PCDH9: variants seen among roughly 807,000 people sequenced by gnomAD.
The protein encoded by PCDH9 is protocadherin 9.
PCDH9 carries 24 observed loss-of-function variants against 70.6 expected under a neutral mutation model. The observed-to-expected ratio is 0.34, with a 90% CI of 0.25 to 0.48. The LOEUF is 0.48. PCDH9 is among the 20% of genes least tolerant of loss of function. The probability of loss-of-function intolerance (pLI) is 0.99; values close to 1 mark genes in which losing one functional copy is unlikely to be tolerated. For synonymous variants in PCDH9, 562 were observed against 558.5 expected (o/e 1.01, Z -0.09); for missense variants, 1,281 against 1,503.6 (o/e 0.85, Z 2.45).
In PCDH9 at chr13:67,227,328, C is replaced by T; in HGVS notation, c.1113G>A (p.Val371=). Residue 371 remains valine (V), a synonymous_variant, in exon 2 of 5, where the codon GTG becomes GTA. Transcript: ENST00000377865. This position sits in a 1 kb window ranked among gnomAD's most constrained non-coding sequence, Gnocchi z 4.6. Reference sequence around the variant, plus strand: ...TGACAGGATCTTTCTCAGATAAATACACGGTGCCATTGATGGGACTTATAA... The same window carrying T: ...TGACAGGATCTTTCTCAGATAAATATACGGTGCCATTGATGGGACTTATAA... ...RYIISPINGT[V]YLSEKDPVNT... 1.2e-6 allele frequency: 2 copies of T among 1,613,896 alleles called. No individual in the cohort carries two copies. Among genetic ancestry groups the T allele is most frequent in the African/African-American group, 1.3e-5 (1 of 75,020 alleles).
intron 3 of PCDH9, among the ~76,000 whole-genome samples, chr13:66,856,282 CTGCA>C (rs2081393191): frequency 6.6e-6 from 1 of 151,936 alleles, no homozygotes; most frequent in Non-Finnish European, 1.5e-5. Flanking sequence ...GTAAAACACA[CTGCA>C]CATCAAGGGG....
chr13:66,624,449 GA>G (rs2077472785), intron 4 of PCDH9, among the ~76,000 whole-genome samples: 1 of 152,186 alleles, frequency 6.6e-6, no homozygotes, highest in Admixed American at 6.5e-5. Context: ...TAGGGCAGTT[GA>G]TTAAGTGTGC....
At chr13:66,344,578 C>T (rs924884355) in intron 4 of PCDH9, among the ~76,000 whole-genome samples, 2 of 152,126 alleles carry the variant, frequency 1.3e-5, no homozygotes, top group African/African-American at 2.4e-5. Context: ...AAATGTGCTA[C>T]CCAAGTCTCA....
intron 3 of PCDH9, among the ~76,000 whole-genome samples, chr13:66,632,218 C>T (rs1378780343): frequency 1.3e-5 from 2 of 152,042 alleles, no homozygotes; most frequent in East Asian, 1.9e-4. Context: ...TAAAGGACAC[C>T]GTACCCATGT....
At chr13:66,724,990 CA>C (rs1566150080) in intron 3 of PCDH9, among the ~76,000 whole-genome samples, 1 of 152,216 alleles carries the variant, frequency 6.6e-6, no homozygotes, top group Non-Finnish European at 1.5e-5. Context: ...CTCCCAATAT[CA>C]TATCTCTAGC....
chr13:67,167,463 C>T (rs1160281533), intron 2 of PCDH9, among the ~76,000 whole-genome samples: 1 of 152,172 alleles, frequency 6.6e-6, no homozygotes, highest in Admixed American at 6.5e-5. Context: ...ATTCAAATTA[C>T]TCTTTTATTG....
chr13:66,604,981 C>A (rs891059176), intron 4 of PCDH9, among the ~76,000 whole-genome samples: 2 of 151,834 alleles, frequency 1.3e-5, no homozygotes, highest in Admixed American at 6.6e-5. Flanking sequence ...TATTAGATTT[C>A]TTGGGTGTTG....
chr13:66,792,422 C>A (rs2080177337), intron 3 of PCDH9, among the ~76,000 whole-genome samples: 1 of 152,134 alleles, frequency 6.6e-6, no homozygotes, highest in Admixed American at 6.5e-5. Flanking sequence ...GTAATCCCAG[C>A]CCTTTGGGAG....
chr13:66,530,276 T>C (rs1960395648), intron 4 of PCDH9, among the ~76,000 whole-genome samples: 1 of 152,114 alleles, frequency 6.6e-6, no homozygotes, highest in African/African-American at 2.4e-5. Flanking sequence ...GGATTCCCAG[T>C]GGCCAACTTT....
chr13:66,899,259 C>G (rs1456670922), intron 3 of PCDH9, among the ~76,000 whole-genome samples: 3 of 151,926 alleles, frequency 2.0e-5, no homozygotes, highest in African/African-American at 7.2e-5. Context: ...AGATTTATAG[C>G]AGTGGCCCAT....
At chr13:66,502,125 G>A (rs1375901050) in intron 4 of PCDH9, among the ~76,000 whole-genome samples, 1 of 152,136 alleles carries the variant, frequency 6.6e-6, no homozygotes, top group East Asian at 1.9e-4. Flanking sequence ...TGGAACACTT[G>A]AAATATGCCT....
chr13:66,563,199 AC>A (rs1473721814), intron 4 of PCDH9, among the ~76,000 whole-genome samples: 2 of 152,038 alleles, frequency 1.3e-5, no homozygotes, highest in Non-Finnish European at 2.9e-5. Flanking sequence ...CCCTGTGTAA[AC>A]CTGTCCCTGC....
intron 4 of PCDH9, among the ~76,000 whole-genome samples, chr13:66,467,019 CA>C: frequency 6.6e-6 from 1 of 152,026 alleles, no homozygotes; most frequent in East Asian, 1.9e-4. Context: ...GGGCTGGTGG[CA>C]AAAATTTTGA....
intron 3 of PCDH9, among the ~76,000 whole-genome samples, chr13:66,893,353 C>T (rs1308706309): frequency 2.6e-5 from 4 of 152,106 alleles, no homozygotes; most frequent in African/African-American, 7.2e-5. Context: ...GTCTCCAATC[C>T]TGGGTCTGCT....
Position 67,181,530 on chromosome 13 carries a change from T to C in PCDH9, c.3036+43875A>G, listed in dbSNP as rs138570588. On this transcript the variant is annotated intron_variant, in intron 2 of 4. Transcript: ENST00000377865. ...GGGAAGGTTAAATTATTTTCTAACT[T>C]GCTAATATGGTATGACATAATAATG... Among the ~76,000 whole-genome samples the C allele has an allele frequency of 8.3e-3, 1,262 of 152,272 alleles. 10 individuals carry two copies. Among genetic ancestry groups the C allele is most frequent in the Middle Eastern group, 0.044 (13 of 294 alleles).
intron 3 of PCDH9, among the ~76,000 whole-genome samples, chr13:66,828,360 A>T (rs547119545): frequency 6.6e-6 from 1 of 152,284 alleles, no homozygotes; most frequent in East Asian, 1.9e-4. Context: ...TTATAACCAT[A>T]AAAAATAAAC....
At chr13:66,983,527 T>C (rs549662354) in intron 2 of PCDH9, among the ~76,000 whole-genome samples, 1 of 152,334 alleles carries the variant, frequency 6.6e-6, no homozygotes, top group East Asian at 1.9e-4. Flanking sequence ...CTTTACTTTA[T>C]CCTTTTGAGA....
intron 4 of PCDH9, among the ~76,000 whole-genome samples, chr13:66,535,116 T>G (rs1408578773): frequency 6.6e-6 from 1 of 152,026 alleles, no homozygotes; most frequent in Non-Finnish European, 1.5e-5. Context: ...AATTTTGACA[T>G]TCTGATTAAT....
intron 4 of PCDH9, among the ~76,000 whole-genome samples, chr13:66,486,083 A>G (rs1305620193): frequency 6.6e-6 from 1 of 152,180 alleles, no homozygotes; most frequent in Non-Finnish European, 1.5e-5. Flanking sequence ...TACAATATGC[A>G]TGATACAAGT....
Sources: allele counts gnomAD v4.1 joint callset (sites outside exome capture counted in the v4.1 genomes callset), GRCh38; gene constraint gnomAD v4.1.1; non-coding constraint Gnocchi (gnomAD v3.1); transcripts MANE v1.5; gene names NCBI Gene and HGNC (gene_info 2026-07-23, HGNC 2026-07-21).